The following TEAD1 variants were observed in gnomAD, a reference collection of about 807,000 sequenced individuals.
The protein encoded by TEAD1 is transcriptional enhancer factor TEF-1.
In TEAD1, 9 loss-of-function variants were observed where a neutral mutation model predicts 54.9. The observed-to-expected ratio is 0.16, with a 90% CI of 0.10 to 0.29. The LOEUF is 0.29. TEAD1 is among the 10% of genes least tolerant of loss of function. TEAD1 has a pLI of 1.00. For missense variants in TEAD1, 387 were observed against 535.9 expected (o/e 0.72, Z 2.74); for synonymous variants, 200 against 187.8 (o/e 1.07, Z -0.53).
intron 9 of TEAD1, among the ~76,000 whole-genome samples, chr11:12,899,910 G>A (rs1157944398): frequency 1.3e-5 from 2 of 152,222 alleles, no homozygotes; most frequent in South Asian, 2.1e-4. Flanking sequence ...GGAGTGTCCA[G>A]CCTCCTGTCT....
At chr11:12,801,365 A>G (rs953454982) in intron 3 of TEAD1, among the ~76,000 whole-genome samples, 1 of 152,176 alleles carries the variant, frequency 6.6e-6, no homozygotes, top group Non-Finnish European at 1.5e-5. Flanking sequence ...TCTCTTCATG[A>G]GCTTGGCTGC....
At chr11:12,826,464 A>T (rs1014668471) in intron 3 of TEAD1, among the ~76,000 whole-genome samples, 19 of 152,334 alleles carry the variant, frequency 1.2e-4, no homozygotes, top group African/African-American at 3.8e-4. Context: ...CTGCAAATAA[A>T]ACAGTGTGAC....
At chr11:12,837,921 G>T (rs1946940336) in intron 3 of TEAD1, among the ~76,000 whole-genome samples, 1 of 151,216 alleles carries the variant, frequency 6.6e-6, no homozygotes, top group South Asian at 2.1e-4. Context: ...TCCTGCCTCA[G>T]CCTCCCAAGC....
intron 3 of TEAD1, among the ~76,000 whole-genome samples, chr11:12,787,165 T>C (rs1314725140): frequency 6.6e-6 from 1 of 151,992 alleles, no homozygotes; most frequent in Admixed American, 6.5e-5. Flanking sequence ...TGGGCCCAGG[T>C]CTCTCACCGT....
intron 3 of TEAD1, among the ~76,000 whole-genome samples, chr11:12,840,504 C>T (rs930602161): frequency 6.6e-6 from 1 of 152,104 alleles, no homozygotes; most frequent in African/African-American, 2.4e-5. Flanking sequence ...ATCGTTTCTG[C>T]GTAATAGTCT....
intron 3 of TEAD1, among the ~76,000 whole-genome samples, chr11:12,801,862 T>TA (rs1564944720): frequency 6.6e-6 from 1 of 152,172 alleles, no homozygotes; most frequent in Non-Finnish European, 1.5e-5. Context: ...CTTAAGAGTG[T>TA]AAAAAAAGGA....
At chr11:12,817,843 T>C (rs1447248423) in intron 3 of TEAD1, among the ~76,000 whole-genome samples, 1 of 152,228 alleles carries the variant, frequency 6.6e-6, no homozygotes, top group Admixed American at 6.5e-5. Context: ...AACACAGTCC[T>C]CTGACTCATG....
At chr11:12,691,317 G>C (rs192388031) in intron 2 of TEAD1, among the ~76,000 whole-genome samples, 66 of 152,166 alleles carry the variant, frequency 4.3e-4, no homozygotes, top group Non-Finnish European at 5.7e-4. Flanking sequence ...TTTCCTTGCT[G>C]TCCAACCTCT....
intron 3 of TEAD1, among the ~76,000 whole-genome samples, chr11:12,811,200 C>T (rs1340603884): frequency 6.6e-6 from 1 of 152,194 alleles, no homozygotes; most frequent in Non-Finnish European, 1.5e-5. Context: ...GAAAGTAAAG[C>T]TTTCTTTCGC....
chr11:12,901,474 A>C (rs534129019), intron 9 of TEAD1, among the ~76,000 whole-genome samples: 2 of 152,282 alleles, frequency 1.3e-5, no homozygotes, highest in Admixed American at 1.3e-4. Flanking sequence ...TGGAAGAAGG[A>C]AGTGGGTACC....
At chr11:12,763,023 TTC>T in intron 2 of TEAD1, among the ~76,000 whole-genome samples, 1 of 150,684 alleles carries the variant, frequency 6.6e-6, no homozygotes, top group Non-Finnish European at 1.5e-5. Context: ...GATCAATCCT[TTC>T]TCTCTCATTT....
intron 3 of TEAD1, among the ~76,000 whole-genome samples, chr11:12,793,608 T>C (rs1564941839): frequency 6.6e-6 from 1 of 152,236 alleles, no homozygotes; most frequent in Non-Finnish European, 1.5e-5. Flanking sequence ...TTTTCACTTT[T>C]GTTGCAGATA....
At chr11:12,751,262 A>C (rs1401812492) in intron 2 of TEAD1, among the ~76,000 whole-genome samples, 3 of 148,536 alleles carry the variant, frequency 2.0e-5, no homozygotes, top group African/African-American at 5.0e-5. Context: ...TGATCATGCC[A>C]CTGTATGTAC....
In TEAD1 at chr11:12,766,913, C is replaced by T. The variant is rs571511659; in HGVS notation, c.202+2479C>T. On this transcript the variant is annotated intron_variant, in intron 3 of 12. Coordinates refer to ENST00000527636, the MANE Select transcript of TEAD1 (RefSeq NM_021961.6). ...TGGGGCTCAGAAGATGCGTTGGATG[C>T]ACTGTCCTGCAGCCACCCCCACCTC... Among the ~76,000 whole-genome samples, 72 of 152,260 alleles carry T rather than the reference C, an allele frequency of 4.7e-4. 1 individual carries two copies. Among genetic ancestry groups the T allele is most frequent in the Admixed American group, 1.6e-3 (25 of 15,300 alleles).
chr11:12,878,342 C>T (rs887328154), intron 5 of TEAD1, among the ~76,000 whole-genome samples: 4 of 152,156 alleles, frequency 2.6e-5, no homozygotes, highest in African/African-American at 9.7e-5. Context: ...TTGGTTATAT[C>T]AGTAAGCATT....
In TEAD1 at chr11:12,780,242, AT is replaced by A. The variant is rs200775672; in HGVS notation, c.202+15826del. 5.0e-3 allele frequency among the ~76,000 whole-genome samples: 708 copies of A among 140,384 alleles called. 5 individuals carry two copies. Among genetic ancestry groups the A allele is most frequent in the East Asian group, 0.031 (152 of 4,850 alleles). The allele number at this position is 140,384 out of a possible 152,430, so 92.1% of individuals were successfully genotyped here. On this transcript the variant is annotated intron_variant, in intron 3 of 12. Coordinates refer to ENST00000527636, the MANE Select transcript of TEAD1 (RefSeq NM_021961.6). ...ATAAAAATATAAAACTCAATTGTAA[AT>A]TTTTTTTTTTTTTTTTTGAGATGGA... is the stretch of plus-strand genomic sequence containing the variant.
intron 2 of TEAD1, among the ~76,000 whole-genome samples, chr11:12,691,968 CTA>C (rs1425931111): frequency 6.6e-6 from 1 of 152,034 alleles, no homozygotes; most frequent in Non-Finnish European, 1.5e-5. Flanking sequence ...TATCACTAGT[CTA>C]TTATTTTTAT....
chr11:12,829,056 C>T (rs1300132845), intron 3 of TEAD1, among the ~76,000 whole-genome samples: 1 of 152,096 alleles, frequency 6.6e-6, no homozygotes, highest in Non-Finnish European at 1.5e-5. Flanking sequence ...GCCCCCTCGC[C>T]CTTAAGAGCC....
Position 12,775,332 on chromosome 11 carries a change from G to A in TEAD1, c.202+10898G>A, listed in dbSNP as rs150669737. Among the ~76,000 whole-genome samples, 410 of 152,218 alleles carry A rather than the reference G, an allele frequency of 2.7e-3. 1 individual carries two copies. The highest frequency in any genetic ancestry group is 9.3e-3 in the African/African-American group (385 of 41,530). ...CAGGCCTCCCTCACAGTGGCCCTCC[G>A]CAGCATCAGAGGGAAGTAGAGAGTG... On this transcript the variant is annotated intron_variant, in intron 3 of 12. Transcript: ENST00000527636.
Sources: allele counts gnomAD v4.1 joint callset (sites outside exome capture counted in the v4.1 genomes callset), GRCh38; gene constraint gnomAD v4.1.1; transcripts MANE v1.5; gene names NCBI Gene and HGNC (gene_info 2026-07-23, HGNC 2026-07-21).